CLEC16A: variants seen among roughly 807,000 people sequenced by gnomAD.
CLEC16A encodes protein CLEC16A.
In CLEC16A, 51 loss-of-function variants were observed where a neutral mutation model predicts 109.5. The observed-to-expected ratio is 0.47, with a 90% confidence interval of 0.37 to 0.59. CLEC16A has a LOEUF of 0.59. Ranked by LOEUF, CLEC16A falls within the 20% of genes least tolerant of loss-of-function variation. CLEC16A has a pLI of 0.00. For synonymous variants in CLEC16A, 673 were observed against 564.2 expected, an observed-to-expected ratio of 1.19 and a Z score of -2.73; for missense variants, 1,339 against 1,394.0, an observed-to-expected ratio of 0.96 and a Z score of 0.63.
intron 11 of CLEC16A, among the ~76,000 whole-genome samples, chr16:11,019,352 A>T (rs1267733419): frequency 6.6e-6 from 1 of 152,192 alleles, no homozygotes; most frequent in Non-Finnish European, 1.5e-5. Context: ...TGATTGCTAC[A>T]GGTTACCCTT....
intron 13 of CLEC16A, chr16:11,027,104 A>G: frequency 1.3e-6 from 2 of 1,532,094 alleles, no homozygotes; most frequent in Non-Finnish European, 1.8e-6. Flanking sequence ...AGGCACTCAA[A>G]GCCACCCAGG....
intron 19 of CLEC16A, among the ~76,000 whole-genome samples, chr16:11,064,186 ACAT>A: frequency 6.6e-6 from 1 of 152,370 alleles, no homozygotes; most frequent in East Asian, 1.9e-4. Context: ...CAAATGGAAG[ACAT>A]CATATTATTA....
At position 11,055,575 on chromosome 16, in the gene CLEC16A, C is replaced by CTTTTTTTTTTTTTTTTTT. The variant is rs71136609; in HGVS notation, c.1995+3948_1995+3965dup. On this transcript the variant is annotated intron_variant, in intron 18 of 23. Transcript: ENST00000409790. ...CACGATAACGCCGTTTTCCCTCTTG[C>CTTTTTTTTTTTTTTTTTT]TTTTTTTTTTTTTTTTTTTTTTTTT... is the stretch of plus-strand genomic sequence containing the variant. Among the ~76,000 whole-genome samples the CTTTTTTTTTTTTTTTTTT allele has an allele frequency of 1.4e-4, 6 of 41,756 alleles. 2 individuals are homozygous for CTTTTTTTTTTTTTTTTTT. The highest frequency in any genetic ancestry group is 5.4e-4 in the African/African-American group (5 of 9,264). 27.4% of individuals were successfully genotyped at this position (41,756 alleles called of 152,430 possible).
At position 11,003,193 on chromosome 16, in the gene CLEC16A, GGAA is replaced by G. The variant is rs776428030; in HGVS notation, c.1200_1202del (p.Glu400del). 34 of 1,613,516 alleles carry G rather than the reference GGAA, an allele frequency of 2.1e-5. No individual in the cohort carries two copies. The highest frequency in any genetic ancestry group is 2.1e-4 in the South Asian group (19 of 91,054). ...AGAGACCCAACTACAAAAACGTTGG[GGAA>G]GAAGAAGATGAGGAGAAAGGGCCCA... is the stretch of plus-strand genomic sequence containing the variant. On this transcript the variant is annotated inframe_deletion, in exon 11 of 24. Coordinates refer to ENST00000409790, the MANE Select transcript of CLEC16A (RefSeq NM_015226.3).
intron 12 of CLEC16A, chr16:11,024,517 G>A (rs1288884426): frequency 1.7e-5 from 5 of 292,386 alleles, no homozygotes; most frequent in African/African-American, 4.3e-5. Context: ...CAGCTGACAC[G>A]GGAGCTTTGG....
At chr16:10,966,293 G>C (rs2042502869) in intron 3 of CLEC16A, among the ~76,000 whole-genome samples, 1 of 152,238 alleles carries the variant, frequency 6.6e-6, no homozygotes. Context: ...ATAAGCGAAA[G>C]AGGCCAGACA....
intron 11 of CLEC16A, among the ~76,000 whole-genome samples, chr16:11,012,363 A>T (rs889695458): frequency 6.6e-6 from 1 of 152,206 alleles, no homozygotes; most frequent in Non-Finnish European, 1.5e-5. Context: ...TGGGAGGCCG[A>T]GGTGGGCGGA....
chr16:11,109,997 G>A (rs1049967378), intron 19 of CLEC16A, among the ~76,000 whole-genome samples: 2 of 152,186 alleles, frequency 1.3e-5, no homozygotes, highest in Non-Finnish European at 2.9e-5. Context: ...TTAAATTATG[G>A]ATTGGCATCC....
intron 22 of CLEC16A, among the ~76,000 whole-genome samples, chr16:11,143,511 C>T (rs879606676): frequency 5.9e-5 from 9 of 152,152 alleles, no homozygotes; most frequent in Non-Finnish European, 1.0e-4. Flanking sequence ...CCCTTAGCAC[C>T]CTCCCCCTAG....
chr16:11,146,976 A>T (rs1388860183), intron 22 of CLEC16A, among the ~76,000 whole-genome samples: 2 of 152,114 alleles, frequency 1.3e-5, no homozygotes, highest in Admixed American at 6.5e-5. Context: ...ATGCTGAGTT[A>T]ATGTCCAGTA....
chr16:10,985,072 A>G (rs1336020144), intron 10 of CLEC16A, among the ~76,000 whole-genome samples: 1 of 151,834 alleles, frequency 6.6e-6, no homozygotes, highest in Non-Finnish European at 1.5e-5. Flanking sequence ...GCATGGTGGC[A>G]GGCGCCTGCA....
intron 11 of CLEC16A, among the ~76,000 whole-genome samples, chr16:11,015,204 G>A (rs2045670054): frequency 6.6e-6 from 1 of 152,192 alleles, no homozygotes; most frequent in South Asian, 2.1e-4. Flanking sequence ...CTCTACAGCT[G>A]TGCTAGCTGG....
rs2046800117 is a variant in CLEC16A at position 11,032,486 on chromosome 16, A to G, written c.1538-7268A>G. On this transcript the variant is annotated intron_variant, in intron 13 of 23. Transcript: ENST00000409790. Reference sequence around the variant, plus strand: ...TACTTGCTGAGCGCTTGCCAGGGCAAGGCCCCGTCATAGGCACTCAAACAA... The same window carrying G: ...TACTTGCTGAGCGCTTGCCAGGGCAGGGCCCCGTCATAGGCACTCAAACAA... Among the ~76,000 whole-genome samples the G allele has an allele frequency of 2.6e-5, 4 of 152,274 alleles. No individual in the cohort carries two copies. In the South Asian group the frequency reaches 8.3e-4, roughly 31 times the overall value.
intron 23 of CLEC16A, among the ~76,000 whole-genome samples, chr16:11,177,455 C>T (rs1331044953): frequency 1.3e-5 from 2 of 152,080 alleles, no homozygotes; most frequent in East Asian, 1.9e-4. Flanking sequence ...CAAAAATTAG[C>T]CGGATGTGGT....
At chr16:11,089,742 C>G (rs1416704071) in intron 19 of CLEC16A, among the ~76,000 whole-genome samples, 2 of 152,206 alleles carry the variant, frequency 1.3e-5, no homozygotes, top group Admixed American at 1.3e-4. Flanking sequence ...AAGGGCCCGA[C>G]TCAGGAAATG....
At chr16:10,957,708 T>C in intron 1 of CLEC16A, 74 bp from the exon 2 acceptor site, 2 of 1,487,018 alleles carry the variant, frequency 1.3e-6, no homozygotes, top group Non-Finnish European at 1.9e-6. Flanking sequence ...CTCCAAAATA[T>C]TGCTAATGGT....
intron 19 of CLEC16A, among the ~76,000 whole-genome samples, chr16:11,061,513 C>T (rs76758206): frequency 0.011 from 1,749 of 152,294 alleles, 41 homozygotes; most frequent in African/African-American, 0.034. Context: ...CTACTTGTTC[C>T]GCTGTGTAGT....
At chr16:10,969,123 A>C in intron 3 of CLEC16A, 38 bp from the exon 4 acceptor site, 1 of 1,566,736 alleles carries the variant, frequency 6.4e-7, no homozygotes, top group South Asian at 1.1e-5. Context: ...TCTTTCCTCC[A>C]GCATGAGTTA....
chr16:11,123,827 C>T lies in CLEC16A; in HGVS notation c.2354C>T (p.Pro785Leu). 1.2e-6 allele frequency: 2 copies of T among 1,614,062 alleles called. No individual in the cohort carries two copies. Among genetic ancestry groups the T allele is most frequent in the African/African-American group, 1.3e-5 (1 of 75,066 alleles). The change falls in exon 21 of 24, where the codon CCC becomes CTC. Residue 785 changes from proline (P) to leucine (L), a missense_variant. By Grantham distance (98) the Pro-to-Leu change is moderately conservative. Around this residue, in one of 3 missense-constraint regions of CLEC16A, gnomAD observed 1,061 missense variants for 1,006.8 expected, o/e 1.05. Transcript: ENST00000409790. ...HKPASSPHSK[P>L]FPILQATFIF... ...CCTGCGTCCAGCCCCCATTCCAAGCCCTTCCCCATCCTCCAGGCCACCTTC... is the reference window on the plus strand; with the variant it reads ...CCTGCGTCCAGCCCCCATTCCAAGCTCTTCCCCATCCTCCAGGCCACCTTC...
Sources: allele counts gnomAD v4.1 joint callset (sites outside exome capture counted in the v4.1 genomes callset), GRCh38; gene constraint gnomAD v4.1.1; regional missense constraint gnomAD v4.1.1; transcripts MANE v1.5; gene names NCBI Gene and HGNC (gene_info 2026-07-23, HGNC 2026-07-21).